MAST4: variants seen among roughly 807,000 people sequenced by gnomAD.
MAST4 encodes microtubule-associated serine/threonine-protein kinase 4.
Under a neutral mutation model 162.7 loss-of-function variants are expected in MAST4, and 89 were observed. The observed-to-expected ratio is 0.55, with a 90% confidence interval of 0.46 to 0.65. MAST4 has a LOEUF of 0.65. MAST4 is among the 30% of genes least tolerant of loss of function. The pLI is 0.00. For synonymous variants in MAST4, 1,479 were observed against 1,361.1 expected (o/e 1.09, Z -1.91); for missense variants, 3,153 against 3,374.0 (o/e 0.93, Z 1.62).
chr5:66,723,349 T>G (rs1160200539), intron 1 of MAST4, among the ~76,000 whole-genome samples: 3 of 152,180 alleles, frequency 2.0e-5, no homozygotes, highest in African/African-American at 4.8e-5. Context: ...TCTTGCTCTC[T>G]CATATTAAGC....
intron 5 of MAST4, among the ~76,000 whole-genome samples, chr5:67,076,852 C>T (rs183670660): frequency 1.2e-4 from 19 of 152,312 alleles, no homozygotes; most frequent in African/African-American, 4.3e-4. Context: ...CAGCATCCAT[C>T]GCCACCGCCA....
At chr5:66,841,041 C>G (rs538142458) in intron 3 of MAST4, among the ~76,000 whole-genome samples, 147 of 152,250 alleles carry the variant, frequency 9.7e-4, no homozygotes, top group African/African-American at 3.5e-3. Flanking sequence ...TTTTCTTGGG[C>G]ATGCTGTTTT....
intron 3 of MAST4, among the ~76,000 whole-genome samples, chr5:66,868,070 G>A (rs1410850247): frequency 6.6e-6 from 1 of 152,178 alleles, no homozygotes; most frequent in East Asian, 1.9e-4. Context: ...TGTTATATAG[G>A]ATCATCAGTT....
intron 3 of MAST4, among the ~76,000 whole-genome samples, chr5:66,876,587 C>T (rs568584962): frequency 6.6e-6 from 1 of 152,174 alleles, no homozygotes; most frequent in South Asian, 2.1e-4. Context: ...CACCATGTAC[C>T]TCATTAGGAA....
chr5:67,030,560 A>C (rs988897285), intron 4 of MAST4, among the ~76,000 whole-genome samples: 32 of 152,288 alleles, frequency 2.1e-4, no homozygotes, highest in Middle Eastern at 3.4e-3. Flanking sequence ...CCTGGGGCAA[A>C]TTGGTCAGAG....
chr5:66,854,076 T>A (rs979587429), intron 3 of MAST4, among the ~76,000 whole-genome samples: 1 of 152,186 alleles, frequency 6.6e-6, no homozygotes, highest in African/African-American at 2.4e-5. Context: ...TTATAAAAGA[T>A]GGTGTCTCCT....
intron 2 of MAST4, among the ~76,000 whole-genome samples, chr5:66,772,397 C>A (rs140493954): frequency 6.6e-5 from 10 of 152,198 alleles, no homozygotes; most frequent in East Asian, 5.8e-4. Flanking sequence ...GGCTATGTGG[C>A]TTGACATACG....
At chr5:66,973,333 C>T (rs1240050444) in intron 4 of MAST4, among the ~76,000 whole-genome samples, 16 of 151,272 alleles carry the variant, frequency 1.1e-4, no homozygotes, top group African/African-American at 3.4e-4. Context: ...ATCATATGTT[C>T]CATTGAGTTG....
At chr5:66,792,563 G>A (rs184463883) in intron 3 of MAST4, 1 of 152,014 alleles carries the variant, frequency 6.6e-6, no homozygotes, top group Non-Finnish European at 1.5e-5. Context: ...TTAGTTGCAG[G>A]TTGAGCACGA....
intron 3 of MAST4, among the ~76,000 whole-genome samples, chr5:66,807,491 A>G (rs1385588921): frequency 6.7e-6 from 1 of 148,338 alleles, no homozygotes; most frequent in Non-Finnish European, 1.5e-5. Context: ...CGACAGAGCG[A>G]GACTCCGTCT....
At chr5:67,133,453 A>G (rs1769241194) in intron 16 of MAST4, 61 bp from the exon 17 acceptor site, 1 of 1,572,582 alleles carries the variant, frequency 6.4e-7, no homozygotes, top group African/African-American at 1.4e-5. Flanking sequence ...AAGGGAGGAA[A>G]TGAAAATAGA....
At chr5:66,881,302 A>G (rs1376894074) in intron 3 of MAST4, among the ~76,000 whole-genome samples, 1 of 152,192 alleles carries the variant, frequency 6.6e-6, no homozygotes, top group Non-Finnish European at 1.5e-5. Flanking sequence ...GAGTTTCAGA[A>G]CATGCATAAG....
intron 4 of MAST4, among the ~76,000 whole-genome samples, chr5:66,914,692 AG>A (rs1471397757): frequency 6.6e-6 from 1 of 152,186 alleles, no homozygotes; most frequent in Non-Finnish European, 1.5e-5. Flanking sequence ...ACAACAATGA[AG>A]GTCAGTTATA....
intron 5 of MAST4, among the ~76,000 whole-genome samples, chr5:67,063,682 T>C (rs1217063703): frequency 6.6e-6 from 1 of 151,660 alleles, no homozygotes; most frequent in African/African-American, 2.4e-5. Flanking sequence ...ATAGGGCAGG[T>C]TTTTCATTCT....
At chr5:66,661,404 C>G (rs1746901307) in intron 1 of MAST4, among the ~76,000 whole-genome samples, 1 of 152,232 alleles carries the variant, frequency 6.6e-6, no homozygotes, top group African/African-American at 2.4e-5. Flanking sequence ...AAAAGCCCGT[C>G]TGGCCACTGT....
At chr5:67,048,042 C>T (rs1314546557) in intron 4 of MAST4, among the ~76,000 whole-genome samples, 1 of 152,120 alleles carries the variant, frequency 6.6e-6, no homozygotes, top group African/African-American at 2.4e-5. Context: ...GGTGAAGCAG[C>T]AATAAGCAGG....
chr5:67,098,399 T>C (rs972545057), intron 7 of MAST4, among the ~76,000 whole-genome samples: 7 of 152,180 alleles, frequency 4.6e-5, no homozygotes, highest in Admixed American at 6.5e-5. Context: ...ATTCAGATAA[T>C]TCTTAATTTT....
intron 4 of MAST4, among the ~76,000 whole-genome samples, chr5:66,996,896 A>T (rs916326496): frequency 2.0e-5 from 3 of 152,212 alleles, no homozygotes; most frequent in Admixed American, 6.5e-5. Context: ...CAGGTTCCAG[A>T]GATTAGAACC....
intron 3 of MAST4, among the ~76,000 whole-genome samples, chr5:66,890,637 GTC>G (rs1236388670): frequency 6.6e-6 from 1 of 152,204 alleles, no homozygotes; most frequent in African/African-American, 2.4e-5. Context: ...TCTGTGTTGT[GTC>G]TCTCCTAAGA....
Sources: allele counts gnomAD v4.1 joint callset (sites outside exome capture counted in the v4.1 genomes callset), GRCh38; gene constraint gnomAD v4.1.1; transcripts MANE v1.5; gene names NCBI Gene and HGNC (gene_info 2026-07-23, HGNC 2026-07-21).